Variants in CNTN5 observed in about 807,000 individuals in gnomAD.
CNTN5 encodes contactin 5.
CNTN5 carries 77 observed loss-of-function variants against 129.1 expected under a neutral mutation model. The observed-to-expected ratio is 0.60, with a 90% confidence interval of 0.50 to 0.72. CNTN5 has a LOEUF of 0.72. CNTN5 is among the 30% of genes least tolerant of loss of function. CNTN5 has a pLI of 0.00. For synonymous variants in CNTN5, 509 were observed against 465.6 expected (o/e 1.09, Z -1.20); for missense variants, 1,478 against 1,328.8 (o/e 1.11, Z -1.75).
intron 1 of CNTN5, among the ~76,000 whole-genome samples, chr11:99,292,834 C>G (rs906236196): frequency 5.3e-5 from 8 of 151,828 alleles, no homozygotes; most frequent in African/African-American, 1.7e-4. Flanking sequence ...AAGTATAGGA[C>G]TCCTTTGATG....
At chr11:99,636,484 C>T (rs769176937) in intron 3 of CNTN5, among the ~76,000 whole-genome samples, 1 of 151,778 alleles carries the variant, frequency 6.6e-6, no homozygotes, top group Non-Finnish European at 1.5e-5. Flanking sequence ...GGTCTTTGTC[C>T]TGTACCAATG....
intron 2 of CNTN5, among the ~76,000 whole-genome samples, chr11:99,495,836 G>A (rs537037279): frequency 2.6e-5 from 4 of 152,274 alleles, no homozygotes; most frequent in South Asian, 2.1e-4. Flanking sequence ...AGTGCAGAGC[G>A]AGACTTGAAA....
At chr11:99,873,719 A>T (rs1948562583) in intron 6 of CNTN5, among the ~76,000 whole-genome samples, 1 of 151,688 alleles carries the variant, frequency 6.6e-6, no homozygotes, top group Admixed American at 6.6e-5. Context: ...CTATCTACTT[A>T]AAAGAAACGA....
intron 6 of CNTN5, among the ~76,000 whole-genome samples, chr11:99,857,095 T>G (rs1948064310): frequency 6.8e-6 from 1 of 146,640 alleles, no homozygotes; most frequent in Non-Finnish European, 1.5e-5. Flanking sequence ...TCTCTGTCTC[T>G]GTCTTTCTGT....
chr11:100,098,210 C>T (rs1032538175), intron 13 of CNTN5, among the ~76,000 whole-genome samples: 1 of 150,064 alleles, frequency 6.7e-6, no homozygotes, highest in African/African-American at 2.4e-5. Context: ...TATGTATAAG[C>T]AAAAAAAAGT....
chr11:99,199,213 C>T (rs11218775), intron 1 of CNTN5, among the ~76,000 whole-genome samples: 39,729 of 151,830 alleles, frequency 0.26, 5,375 homozygotes, highest in East Asian at 0.46. Context: ...TTTTTCAAGT[C>T]CCATTGGTAA....
At chr11:99,970,827 G>A (rs7119109) in intron 8 of CNTN5, among the ~76,000 whole-genome samples, 26,048 of 151,988 alleles carry the variant, frequency 0.17, 2,344 homozygotes, top group Middle Eastern at 0.22. Flanking sequence ...ATGGATGGGC[G>A]GTAACATTGG....
chr11:99,674,549 T>C (rs577020443), intron 3 of CNTN5, among the ~76,000 whole-genome samples: 10 of 152,142 alleles, frequency 6.6e-5, no homozygotes, highest in Non-Finnish European at 1.5e-4. Flanking sequence ...ATCTACTAAC[T>C]CTTCACACAG....
intron 3 of CNTN5, among the ~76,000 whole-genome samples, chr11:99,645,262 CAAAAAAAAAAAAAA>C (rs71050011): frequency 1.3e-4 from 6 of 47,490 alleles, no homozygotes; most frequent in Non-Finnish European, 2.5e-4. Flanking sequence ...TCCATCTCAA[CAAAAAAAAAAAAAA>C]AAAAAAAAAA....
intron 4 of CNTN5, among the ~76,000 whole-genome samples, chr11:99,843,368 A>G (rs1400995399): frequency 6.6e-6 from 1 of 152,232 alleles, no homozygotes; most frequent in East Asian, 1.9e-4. Context: ...CAAAATATTT[A>G]AAGAAATATA....
chr11:99,727,104 A>G (rs2135068002), intron 3 of CNTN5, among the ~76,000 whole-genome samples: 1 of 150,216 alleles, frequency 6.7e-6, no homozygotes, highest in African/African-American at 2.5e-5. Context: ...CAGGAGATCG[A>G]GACCATCCTG....
rs571197158 is a variant in CNTN5, at chr11:99,889,051, T to A, written c.578-27003T>A. Among the ~76,000 whole-genome samples, 4 of 152,270 alleles carry A rather than the reference T, an allele frequency of 2.6e-5. No homozygotes were observed. In the East Asian group the frequency reaches 7.7e-4, roughly 29 times the overall value. On this transcript the variant is annotated intron_variant, in intron 6 of 24. Coordinates refer to ENST00000524871, the MANE Select transcript of CNTN5 (RefSeq NM_014361.4). Reference sequence around the variant, plus strand: ...ATCATCATCATCATCATAATCATGATTAACTGACATCCGTAGAATTTTACA... The same window carrying A: ...ATCATCATCATCATCATAATCATGAATAACTGACATCCGTAGAATTTTACA...
At position 99,999,386 on chromosome 11, in the gene CNTN5, G is replaced by A. The variant is rs566938785; in HGVS notation, c.878-2648G>A. On this transcript the variant is annotated intron_variant, in intron 8 of 24. Transcript: ENST00000524871. Reference sequence around the variant, plus strand: ...CTTCTCAAAAGAAGACATTTATGCAGCCAAAGGACACATGCAAAAATGCTC... The same window carrying A: ...CTTCTCAAAAGAAGACATTTATGCAACCAAAGGACACATGCAAAAATGCTC... 2.6e-5 allele frequency among the ~76,000 whole-genome samples: 4 copies of A among 152,358 alleles called. No homozygotes were observed. The East Asian group carries it at 5.8e-4, about 22-fold the overall frequency.
rs753915401 is a variant in CNTN5, at chr11:100,341,252, G to A, written c.3030+47G>A. 4.4e-6 allele frequency: 6 copies of A among 1,357,320 alleles called. No homozygotes were observed. The Admixed American group carries it at 7.0e-5, about 16-fold the overall frequency. The allele number at this position is 1,357,320 out of a possible 1,614,324, so 84.1% of individuals were successfully genotyped here. ...TGCATAGATACTCATCTCCGAAATT[G>A]TTATTATGAAGATGGAAAATTAATA... On this transcript the variant is annotated intron_variant, in intron 23 of 24. Transcript: ENST00000524871.
At chr11:99,584,528 G>A (rs1565321982) in intron 3 of CNTN5, among the ~76,000 whole-genome samples, 1 of 152,136 alleles carries the variant, frequency 6.6e-6, no homozygotes, top group Non-Finnish European at 1.5e-5. Context: ...CGGGAGCCAT[G>A]GCTTACACAT....
chr11:99,455,430 A>C (rs1453912578), intron 2 of CNTN5, among the ~76,000 whole-genome samples: 1 of 152,036 alleles, frequency 6.6e-6, no homozygotes, highest in Non-Finnish European at 1.5e-5. Context: ...TTTTCCTGAA[A>C]AATATGTAGT....
chr11:100,337,345 T>A, intron 21 of CNTN5: 1 of 850,458 alleles, frequency 1.2e-6, no homozygotes, highest in East Asian at 2.4e-5. Flanking sequence ...AAGTGATCGA[T>A]GCACACATGA....
At chr11:99,584,493 G>C (rs182555463) in intron 3 of CNTN5, among the ~76,000 whole-genome samples, 3 of 152,216 alleles carry the variant, frequency 2.0e-5, no homozygotes, top group South Asian at 4.1e-4. Flanking sequence ...GTTACTAATG[G>C]AGCAAAAGCA....
intron 1 of CNTN5, among the ~76,000 whole-genome samples, chr11:99,210,854 T>G (rs1859738103): frequency 8.9e-6 from 1 of 112,792 alleles, no homozygotes; most frequent in Non-Finnish European, 2.0e-5. Context: ...GAAGGGCAGA[T>G]AGCAGTCTTT....
Sources: allele counts gnomAD v4.1 joint callset (sites outside exome capture counted in the v4.1 genomes callset), GRCh38; gene constraint gnomAD v4.1.1; transcripts MANE v1.5; gene names NCBI Gene and HGNC (gene_info 2026-07-23, HGNC 2026-07-21).